The following FKBP14 variants were observed in gnomAD, a reference collection of about 807,000 sequenced individuals.
FKBP14 encodes the protein FKBP prolyl isomerase 14.
Under a neutral mutation model 21.6 loss-of-function variants are expected in FKBP14, and 20 were observed. The observed-to-expected ratio is 0.92, with a 90% CI of 0.65 to 1.34. The LOEUF (loss-of-function observed/expected upper bound fraction) is 1.34, where lower values mean the gene tolerates loss of function less well. FKBP14 is among the 40% of genes most tolerant of loss of function. FKBP14 has a pLI of 0.00. For synonymous variants in FKBP14, 79 were observed against 86.7 expected (o/e 0.91, Z 0.49); for missense variants, 253 against 249.0 (o/e 1.02, Z -0.11).
chr7:30,023,693 C>T (rs1790095891), intron 1 of FKBP14, among the ~76,000 whole-genome samples: 1 of 152,134 alleles, frequency 6.6e-6, no homozygotes, highest in Non-Finnish European at 1.5e-5. Context: ...GGAGGTCTCA[C>T]AATCATGGCG....
chr7:30,026,701 G>A lies in FKBP14; in HGVS notation c.-193C>T. 2.0e-6 allele frequency: 1 copy of A among 502,196 alleles called. No homozygotes were observed. Among genetic ancestry groups the A allele is most frequent in the East Asian group, 3.0e-5 (1 of 33,654 alleles). The allele number at this position is 502,196 out of a possible 1,614,324, so 31.1% of individuals were successfully genotyped here. A position where few individuals can be genotyped will look rare whatever the true frequency, so the allele number is the denominator to read the frequency against. On this transcript the variant is annotated 5_prime_UTR_variant, in exon 1 of 4. Coordinates refer to ENST00000222803, the MANE Select transcript of FKBP14 (RefSeq NM_017946.4). ...CACGAACCTACCTTTAAAGAGTTAAGCCCAAATGCCGGCCTGACTGGCTCT... is the reference window on the plus strand; with the variant it reads ...CACGAACCTACCTTTAAAGAGTTAAACCCAAATGCCGGCCTGACTGGCTCT...
At chr7:30,015,608 T>G (rs1789861542) in intron 3 of FKBP14, among the ~76,000 whole-genome samples, 1 of 143,138 alleles carries the variant, frequency 7.0e-6, no homozygotes, top group Admixed American at 7.0e-5. Flanking sequence ...GCATTTCTTT[T>G]CTTTTTTTAG....
At chr7:30,020,104 G>T in intron 2 of FKBP14, 1 of 430,876 alleles carries the variant, frequency 2.3e-6, no homozygotes, top group Non-Finnish European at 3.5e-6. Context: ...ACAGGTCTGT[G>T]TAAACATGTT....
rs749813924 is a variant in FKBP14 at position 30,022,797 on chromosome 7, G to C, written c.217C>G (p.Gln73Glu). 1 of 1,613,686 alleles carries C rather than the reference G, an allele frequency of 6.2e-7. No individual in the cohort carries two copies. Among genetic ancestry groups the C allele is most frequent in the Admixed American group, 1.7e-5 (1 of 59,918 alleles). ...FHSTHKHNNG[Q>E]PIWFTLGILE... ...ATGCCCAGGGTAAACCAAATGGGCT[G>C]ACCATTGTTATGTTTGTGACTATGA... Residue 73 changes from glutamine (Q) to glutamate (E), a missense_variant, in exon 2 of 4, where the codon CAG becomes GAG. By Grantham distance (29) the Gln-to-Glu change is conservative (BLOSUM62 2). Transcript: ENST00000222803.
downstream of FKBP14, among the ~76,000 whole-genome samples, chr7:30,009,745 T>C (rs1789679597): frequency 6.6e-6 from 1 of 150,920 alleles, no homozygotes; most frequent in South Asian, 2.1e-4. Flanking sequence ...ATCCCAGCCC[T>C]TTGGGAGGCT....
intron 1 of FKBP14, 136 bp from the exon 2 acceptor site, chr7:30,022,952 TAC>T (rs1771656419): frequency 3.0e-6 from 2 of 672,992 alleles, no homozygotes; most frequent in Non-Finnish European, 4.8e-6. Flanking sequence ...TTTGCACACA[TAC>T]ACACACACCT....
chr7:30,016,352 A>G (rs1341917991), intron 3 of FKBP14, among the ~76,000 whole-genome samples: 1 of 152,098 alleles, frequency 6.6e-6, no homozygotes, highest in Non-Finnish European at 1.5e-5. Flanking sequence ...GTCAGGTCTG[A>G]TAAGTGCCTA....
At chr7:30,020,913 A>C (rs1295435565) in intron 2 of FKBP14, among the ~76,000 whole-genome samples, 1 of 152,218 alleles carries the variant, frequency 6.6e-6, no homozygotes, top group Non-Finnish European at 1.5e-5. Context: ...CCTATGAACA[A>C]GATTTGTATA....
chr7:30,014,655 T>G lies in FKBP14; in HGVS notation c.*80A>C, dbSNP rs868540529. The stretch of plus-strand genomic sequence containing the variant: ...TAAAAAACAAAGCAAGAAAGAACAT[T>G]GTATAAAAATAAAATGTTCTTTAAA... On this transcript the variant is annotated 3_prime_UTR_variant, in exon 4 of 4. Coordinates refer to ENST00000222803, the MANE Select transcript of FKBP14 (RefSeq NM_017946.4). 1.1e-5 allele frequency: 10 copies of G among 936,818 alleles called. No homozygotes were observed. Among genetic ancestry groups the G allele is most frequent in the South Asian group, 8.3e-5 (2 of 24,054 alleles). 58.0% of individuals were successfully genotyped at this position (936,818 alleles called of 1,614,324 possible).
chr7:30,015,644 G>C (rs930270961), intron 3 of FKBP14, among the ~76,000 whole-genome samples: 1 of 49,880 alleles, frequency 2.0e-5, no homozygotes, highest in Non-Finnish European at 4.0e-5. Context: ...TTTTTTTTTT[G>C]AGACGGAGTC....
chr7:30,016,952 A>C (rs1196443153), intron 3 of FKBP14, among the ~76,000 whole-genome samples: 1 of 152,142 alleles, frequency 6.6e-6, no homozygotes, highest in African/African-American at 2.4e-5. Flanking sequence ...TTAATCCATT[A>C]AACTCTATGG....
chr7:30,024,222 A>G (rs922575276), intron 1 of FKBP14, among the ~76,000 whole-genome samples: 18 of 152,348 alleles, frequency 1.2e-4, no homozygotes, highest in African/African-American at 4.1e-4. Context: ...CAATGATCAA[A>G]GTAACAAAAT....
intron 1 of FKBP14, among the ~76,000 whole-genome samples, chr7:30,024,988 G>C (rs1790136437): frequency 6.6e-6 from 1 of 152,142 alleles, no homozygotes; most frequent in Admixed American, 6.5e-5. Flanking sequence ...AAGAAGAAAG[G>C]GCTGTTGAGA....
rs151294110 is a variant in FKBP14 at position 30,026,443 on chromosome 7, G to A, written c.66C>T (p.Ile22=). The A allele has an allele frequency of 6.2e-7, 1 of 1,614,102 alleles. No homozygotes were observed. The highest frequency in any genetic ancestry group is 1.1e-5 in the South Asian group (1 of 91,066). Residue 22 remains isoleucine, a synonymous_variant, in exon 1 of 4, where the codon ATC becomes ATT. Coordinates refer to ENST00000222803, the MANE Select transcript of FKBP14 (RefSeq NM_017946.4). The part of the protein sequence containing the change: ...LFVTSLIGAL[I]PEPEVKIEVL... ...CTTCAATTTTCACTTCTGGTTCAGG[G>A]ATCAAAGCCCCAATCAAAGAAGTGA...
At chr7:30,025,825 A>T (rs1181037343) in intron 1 of FKBP14, among the ~76,000 whole-genome samples, 1 of 152,224 alleles carries the variant, frequency 6.6e-6, no homozygotes, top group African/African-American at 2.4e-5. Flanking sequence ...GAACAAAAGA[A>T]GTAGGTCAGT....
intron 3 of FKBP14, among the ~76,000 whole-genome samples, chr7:30,015,715 T>G (rs989285091): frequency 6.2e-5 from 9 of 146,166 alleles, no homozygotes; most frequent in Non-Finnish European, 1.2e-4. Flanking sequence ...AAGCTCCGCC[T>G]CCCGGGTTCA....
chr7:30,023,494 C>T (rs1378781280), intron 1 of FKBP14, among the ~76,000 whole-genome samples: 2 of 152,192 alleles, frequency 1.3e-5, no homozygotes, highest in African/African-American at 4.8e-5. Flanking sequence ...ATCCCTAAAT[C>T]CCCACTCAGA....
chr7:30,016,624 C>A (rs937011946), intron 3 of FKBP14, among the ~76,000 whole-genome samples: 4 of 151,964 alleles, frequency 2.6e-5, no homozygotes, highest in African/African-American at 9.7e-5. Flanking sequence ...GAACTCCTGA[C>A]CTCAGAAGAT....
chr7:30,013,108 G>A lies in FKBP14; in HGVS notation c.*1627C>T, dbSNP rs1375283913. The A allele has an allele frequency of 6.6e-6, 1 of 151,226 alleles. No individual in the cohort carries two copies. Among genetic ancestry groups the A allele is most frequent in the African/African-American group, 2.4e-5 (1 of 41,098 alleles). The allele number at this position is 151,226 out of a possible 1,614,324, so 9.4% of individuals were successfully genotyped here. ...TAATATCATTTTGTACACTATAAAG[G>A]GCTACTCTTAGAAAATGAAGATTTG... On this transcript the variant is annotated 3_prime_UTR_variant, in exon 4 of 4. Coordinates refer to ENST00000222803, the MANE Select transcript of FKBP14 (RefSeq NM_017946.4).
Sources: allele counts gnomAD v4.1 joint callset (sites outside exome capture counted in the v4.1 genomes callset), GRCh38; gene constraint gnomAD v4.1.1; transcripts MANE v1.5; gene names NCBI Gene and HGNC (gene_info 2026-07-23, HGNC 2026-07-21).